Variants in CCDC69 observed in about 807,000 individuals in gnomAD.
CCDC69 encodes the protein coiled-coil domain-containing protein 69.
Under a neutral mutation model 40.3 loss-of-function variants are expected in CCDC69, and 38 were observed. The ratio of observed to expected loss-of-function variants is 0.94; its 90% CI spans 0.73 to 1.24. The LOEUF is 1.24. Among genes scored for constraint, CCDC69 ranks in the 50% most tolerant of loss-of-function variants. The pLI, the probability that CCDC69 is intolerant of heterozygous loss-of-function variation, is 0.00. For synonymous variants in CCDC69, 141 were observed against 138.9 expected, an observed-to-expected ratio of 1.02 and a Z score of -0.11; for missense variants, 389 against 357.9, an observed-to-expected ratio of 1.09 and a Z score of -0.70.
At chr5:151,187,291 C>T (rs563027280) in intron 5 of CCDC69, 95 bp downstream of exon 5, 8 of 1,045,620 alleles carry the variant, frequency 7.7e-6, no homozygotes, top group South Asian at 2.6e-5. Context: ...CCTAGGCACA[C>T]GTAATCAGTT....
In CCDC69 at chr5:151,186,123, T is replaced by A. The variant is rs1277871902; in HGVS notation, c.395A>T (p.Glu132Val). 1 of 1,609,208 alleles carries A rather than the reference T, an allele frequency of 6.2e-7. No individual in the cohort carries two copies. Among genetic ancestry groups the A allele is most frequent in the Non-Finnish European group, 8.5e-7 (1 of 1,175,602 alleles). ...CTGTGAGGTCAGTCTGTCTATGGTCTCCTGGAGCAGGGAGTGGGATGGAGA... is the reference window on the plus strand; with the variant it reads ...CTGTGAGGTCAGTCTGTCTATGGTCACCTGGAGCAGGGAGTGGGATGGAGA... ...SFREASSTQQ[E>V]TIDRLTSQLE... The change falls in exon 6 of 9, where the codon GAG becomes GTG. Residue 132 changes from glutamate (E) to valine (V), a missense_variant and splice_region_variant. By Grantham distance (121) the Glu-to-Val change is moderately radical. Coordinates refer to ENST00000355417, the MANE Select transcript of CCDC69 (RefSeq NM_015621.3).
Position 151,183,338 on chromosome 5 carries a change from C to T in CCDC69, c.*99G>A. 2 of 1,378,702 alleles carry T rather than the reference C, an allele frequency of 1.5e-6. No homozygotes were observed. Among genetic ancestry groups the T allele is most frequent in the Middle Eastern group, 1.8e-4 (1 of 5,694 alleles). 85.4% of individuals were successfully genotyped at this position (1,378,702 alleles called of 1,614,324 possible). Reference sequence around the variant, plus strand: ...CTCCATCTCGCTCCCACCCTCGTTCCTTCCTGGAAAAGAACTGAGAGGCTC... The same window carrying T: ...CTCCATCTCGCTCCCACCCTCGTTCTTTCCTGGAAAAGAACTGAGAGGCTC... On this transcript the variant is annotated 3_prime_UTR_variant, in exon 9 of 9. Transcript: ENST00000355417.
intron 1 of CCDC69, among the ~76,000 whole-genome samples, chr5:151,219,284 T>C (rs1418384205): frequency 6.6e-6 from 1 of 152,138 alleles, no homozygotes; most frequent in Non-Finnish European, 1.5e-5. Context: ...TAGCATGCCC[T>C]CCTGAGTAAC....
chr5:151,181,999 G>A lies in CCDC69; in HGVS notation c.*1438C>T, dbSNP rs1020662885. 7 of 152,200 alleles carry A rather than the reference G, an allele frequency of 4.6e-5. No individual in the cohort carries two copies. The highest frequency in any genetic ancestry group is 1.4e-4 in the African/African-American group (6 of 41,440). 9.4% of individuals were successfully genotyped at this position (152,200 alleles called of 1,614,324 possible). ...AGGAGACTGTACACAGGGGAATACA[G>A]AAGGCAGTCTGGGATGATGTCACTA... On this transcript the variant is annotated 3_prime_UTR_variant, in exon 9 of 9. Coordinates refer to ENST00000355417, the MANE Select transcript of CCDC69 (RefSeq NM_015621.3).
intron 4 of CCDC69, among the ~76,000 whole-genome samples, chr5:151,194,365 A>G (rs527985534): frequency 1.0e-4 from 16 of 152,398 alleles, no homozygotes; most frequent in African/African-American, 3.1e-4. Context: ...ATATGCAACA[A>G]TTGGAATGAA....
rs1464637080 is a variant in CCDC69 at position 151,186,042 on chromosome 5, T to A, written c.476A>T (p.Asn159Ile). Residue 159 changes from asparagine to isoleucine, a missense_variant, in exon 6 of 9, where the codon AAC becomes ATC. Physicochemically the swap from Asn to Ile is moderately radical, Grantham distance 149. Transcript: ENST00000355417. Reference protein sequence around the residue: ...KRVEESILSRNYKKHIQDYGS... With the variant: ...KRVEESILSRIYKKHIQDYGS... ...ACCTACCTGGATATGTTTCTTATAG[T>A]TTCGGCTCAGAATGGACTCCTCCAC... is the stretch of plus-strand genomic sequence containing the variant. 2.5e-6 allele frequency: 4 copies of A among 1,613,854 alleles called. No homozygotes were observed. The highest frequency in any genetic ancestry group is 3.4e-6 in the Non-Finnish European group (4 of 1,179,812).
chr5:151,186,139 G>A lies in CCDC69; in HGVS notation c.394-15C>T. The A allele has an allele frequency of 1.9e-6, 3 of 1,558,386 alleles. No individual in the cohort carries two copies. Among genetic ancestry groups the A allele is most frequent in the Non-Finnish European group, 2.7e-6 (3 of 1,129,414 alleles). Reference sequence around the variant, plus strand: ...TCTATGGTCTCCTGGAGCAGGGAGTGGGATGGAGACAATCAAAGCCTGCCT... The same window carrying A: ...TCTATGGTCTCCTGGAGCAGGGAGTAGGATGGAGACAATCAAAGCCTGCCT... On this transcript the variant is annotated splice_polypyrimidine_tract_variant and intron_variant, in intron 5 of 8. Coordinates refer to ENST00000355417, the MANE Select transcript of CCDC69 (RefSeq NM_015621.3).
At chr5:151,205,307 A>T in intron 2 of CCDC69, 93 bp downstream of exon 2, 3 of 1,013,134 alleles carry the variant, frequency 3.0e-6, no homozygotes, top group Non-Finnish European at 3.1e-6. Context: ...CTGAGATCTC[A>T]TGAGATATTT....
chr5:151,184,792 C>A, intron 7 of CCDC69: 1 of 187,060 alleles, frequency 5.3e-6, no homozygotes. Context: ...AATGAGCGAA[C>A]AAAATCTATA....
intron 1 of CCDC69, among the ~76,000 whole-genome samples, chr5:151,219,500 G>A (rs909613905): frequency 3.9e-5 from 6 of 152,118 alleles, no homozygotes; most frequent in African/African-American, 1.2e-4. Flanking sequence ...AATAAGCCAC[G>A]GAACAGCCAC....
chr5:151,221,146 G>A (rs1455398730), intron 1 of CCDC69, among the ~76,000 whole-genome samples: 3 of 152,032 alleles, frequency 2.0e-5, no homozygotes, highest in South Asian at 4.1e-4. Flanking sequence ...ACATCTAGTC[G>A]GCCAAGCCCA....
At chr5:151,183,646 A>G (rs1766677908) in intron 8 of CCDC69, 32 bp from the exon 9 acceptor site, 1 of 1,570,358 alleles carries the variant, frequency 6.4e-7, no homozygotes, top group South Asian at 1.2e-5. Context: ...AGGGTTGCCT[A>G]CTGGGAGCAG....
At chr5:151,193,750 T>C (rs1479141188) in intron 4 of CCDC69, among the ~76,000 whole-genome samples, 1 of 152,054 alleles carries the variant, frequency 6.6e-6, no homozygotes, top group African/African-American at 2.4e-5. Context: ...TAAATTGGAC[T>C]TTATCAAAAT....
intron 2 of CCDC69, among the ~76,000 whole-genome samples, chr5:151,202,311 T>C (rs1441639823): frequency 6.6e-6 from 1 of 152,090 alleles, no homozygotes. Context: ...CAGTAAGCTA[T>C]GACTGCATCA....
At chr5:151,196,122 C>T (rs1047482623) in intron 4 of CCDC69, among the ~76,000 whole-genome samples, 4 of 152,134 alleles carry the variant, frequency 2.6e-5, no homozygotes, top group African/African-American at 9.7e-5. Context: ...TACACTTTTA[C>T]GTACAAAATA....
At chr5:151,197,782 A>G (rs186994255) in intron 4 of CCDC69, among the ~76,000 whole-genome samples, 7 of 152,350 alleles carry the variant, frequency 4.6e-5, no homozygotes, top group Middle Eastern at 3.4e-3. Flanking sequence ...TGATTATGTA[A>G]GTATCATTGC....
chr5:151,200,055 C>T (rs58495364), intron 3 of CCDC69, among the ~76,000 whole-genome samples: 14 of 152,236 alleles, frequency 9.2e-5, no homozygotes, highest in East Asian at 5.8e-4. Flanking sequence ...CCCAGCAAGT[C>T]GACTGGGTGA....
chr5:151,205,406 C>T lies in CCDC69; in HGVS notation c.118G>A (p.Asp40Asn). Residue 40 changes from aspartate (D) to asparagine (N), a missense_variant, in exon 2 of 9, where the codon GAC (aspartate) becomes AAC (asparagine). Physicochemically the swap from Asp to Asn is conservative, Grantham distance 23 (BLOSUM62 1). Transcript: ENST00000355417. ...TGTGGGGCTGGCTACTCACCTGTGTCCCCATTGAGGGGACCTAATTCATGG... is the reference window on the plus strand; with the variant it reads ...TGTGGGGCTGGCTACTCACCTGTGTTCCCATTGAGGGGACCTAATTCATGG... The part of the protein sequence containing the change: ...EPHELGPLNG[D>N]TAITVQLCAS... 2 of 1,613,862 alleles carry T rather than the reference C, an allele frequency of 1.2e-6. No individual in the cohort carries two copies. Among genetic ancestry groups the T allele is most frequent in the East Asian group, 2.2e-5 (1 of 44,876 alleles).
At chr5:151,211,127 G>A (rs1193279429) in intron 1 of CCDC69, 1 of 152,214 alleles carries the variant, frequency 6.6e-6, no homozygotes, top group Non-Finnish European at 1.5e-5. Context: ...GTATGTTCGA[G>A]ACATCTTACA....
Sources: allele counts gnomAD v4.1 joint callset (sites outside exome capture counted in the v4.1 genomes callset), GRCh38; gene constraint gnomAD v4.1.1; transcripts MANE v1.5; gene names NCBI Gene and HGNC (gene_info 2026-07-23, HGNC 2026-07-21).